TMEM132D: variants seen among roughly 807,000 people sequenced by gnomAD.
The protein encoded by TMEM132D is transmembrane protein 132D, also known as mature OL transmembrane protein.
In TMEM132D, 21 loss-of-function variants were observed where a neutral mutation model predicts 62.3. The observed-to-expected ratio is 0.34, with a 90% CI of 0.24 to 0.49. TMEM132D has a LOEUF of 0.49. TMEM132D is among the 20% of genes least tolerant of loss of function. The pLI is 0.99. For synonymous variants in TMEM132D, 621 were observed against 575.6 expected, an observed-to-expected ratio of 1.08 and a Z score of -1.13; for missense variants, 1,346 against 1,402.8, an observed-to-expected ratio of 0.96 and a Z score of 0.65.
intron 3 of TMEM132D, among the ~76,000 whole-genome samples, chr12:129,476,446 C>G (rs1874257728): frequency 6.6e-6 from 1 of 152,224 alleles, no homozygotes; most frequent in Non-Finnish European, 1.5e-5. Context: ...ACAGGCTTAT[C>G]TCTGTCTGAC....
intron 3 of TMEM132D, among the ~76,000 whole-genome samples, chr12:129,344,191 T>G (rs1358397747): frequency 6.6e-6 from 1 of 152,192 alleles, no homozygotes; most frequent in Non-Finnish European, 1.5e-5. Context: ...AATTCTTTCT[T>G]GCGTGAGATC....
At chr12:129,304,516 T>C (rs949150638) in intron 4 of TMEM132D, among the ~76,000 whole-genome samples, 1 of 152,086 alleles carries the variant, frequency 6.6e-6, no homozygotes, top group African/African-American at 2.4e-5. Flanking sequence ...CATCATGGCC[T>C]GAACAATCCC....
At chr12:129,684,061 C>G (rs983292956) in intron 2 of TMEM132D, among the ~76,000 whole-genome samples, 6 of 152,118 alleles carry the variant, frequency 3.9e-5, no homozygotes, top group South Asian at 2.1e-4. Flanking sequence ...CAAAGAAGAC[C>G]ATGAAGAACT....
At chr12:129,178,839 A>G (rs1402029639) in intron 5 of TMEM132D, among the ~76,000 whole-genome samples, 1 of 152,200 alleles carries the variant, frequency 6.6e-6, no homozygotes, top group African/African-American at 2.4e-5. Flanking sequence ...GCACTCCTTG[A>G]ACCTGGGTTT....
At chr12:129,232,139 C>A (rs1404546291) in intron 4 of TMEM132D, among the ~76,000 whole-genome samples, 3 of 152,184 alleles carry the variant, frequency 2.0e-5, no homozygotes. Flanking sequence ...CAGCCCGGAT[C>A]TTGGGAGGCT....
intron 1 of TMEM132D, among the ~76,000 whole-genome samples, chr12:129,810,792 T>C (rs2137315678): frequency 6.6e-6 from 1 of 152,316 alleles, no homozygotes; most frequent in East Asian, 1.9e-4. Flanking sequence ...AACATAATCT[T>C]GAACAATGTC....
chr12:129,701,117 C>T (rs556741952), intron 1 of TMEM132D, among the ~76,000 whole-genome samples: 1 of 152,288 alleles, frequency 6.6e-6, no homozygotes, highest in South Asian at 2.1e-4. Context: ...TCAACACAGA[C>T]TGAGATTGGA....
chr12:129,902,359 G>A, intron 1 of TMEM132D, among the ~76,000 whole-genome samples: 1 of 152,194 alleles, frequency 6.6e-6, no homozygotes, highest in Non-Finnish European at 1.5e-5. Flanking sequence ...TCCTCCCAGT[G>A]TATCTATCTG....
intron 1 of TMEM132D, among the ~76,000 whole-genome samples, chr12:129,902,605 A>C (rs1306076337): frequency 6.6e-6 from 1 of 152,208 alleles, no homozygotes; most frequent in Non-Finnish European, 1.5e-5. Flanking sequence ...AATTCGGGTC[A>C]CAACTTGTAG....
chr12:129,442,973 C>T (rs1872983790), intron 3 of TMEM132D, among the ~76,000 whole-genome samples: 1 of 152,104 alleles, frequency 6.6e-6, no homozygotes, highest in African/African-American at 2.4e-5. Flanking sequence ...CAAGATCATG[C>T]TCCCTCCCAG....
intron 3 of TMEM132D, among the ~76,000 whole-genome samples, chr12:129,484,412 T>C (rs997864254): frequency 6.6e-6 from 1 of 152,250 alleles, no homozygotes; most frequent in Non-Finnish European, 1.5e-5. Context: ...AGTAATTAAA[T>C]GTCTGCTCCC....
chr12:129,420,203 C>T (rs1038055019), intron 3 of TMEM132D, among the ~76,000 whole-genome samples: 2 of 151,812 alleles, frequency 1.3e-5, no homozygotes, highest in Non-Finnish European at 2.9e-5. Flanking sequence ...GATGGTGTCC[C>T]GGCTATAGAA....
chr12:129,733,956 C>T (rs1869337026), intron 1 of TMEM132D, among the ~76,000 whole-genome samples: 1 of 152,156 alleles, frequency 6.6e-6, no homozygotes, highest in Non-Finnish European at 1.5e-5. Context: ...TATCTTCCTT[C>T]CGTTGCAAGG....
chr12:129,108,652 GCT>G (rs2135642218), intron 5 of TMEM132D, among the ~76,000 whole-genome samples: 1 of 152,246 alleles, frequency 6.6e-6, no homozygotes, highest in African/African-American at 2.4e-5. Flanking sequence ...GCACTCCCTG[GCT>G]CTTATATAGA....
chr12:129,739,107 G>T (rs1328322167), intron 1 of TMEM132D, among the ~76,000 whole-genome samples: 1 of 152,194 alleles, frequency 6.6e-6, no homozygotes, highest in Admixed American at 6.5e-5. Flanking sequence ...AAAAGGAACA[G>T]GACTGGCCTC....
intron 1 of TMEM132D, among the ~76,000 whole-genome samples, chr12:129,724,592 G>A (rs1181169941): frequency 1.3e-5 from 2 of 152,060 alleles, no homozygotes; most frequent in Non-Finnish European, 2.9e-5. Context: ...GCGTGATCTC[G>A]GCTCACCGCA....
At chr12:129,144,491 G>T (rs2135532004) in intron 5 of TMEM132D, among the ~76,000 whole-genome samples, 1 of 152,254 alleles carries the variant, frequency 6.6e-6, no homozygotes, top group Non-Finnish European at 1.5e-5. Context: ...TCAGGGAGAA[G>T]AACTCAGACA....
At chr12:129,199,133 AG>A (rs1878626105) in intron 5 of TMEM132D, among the ~76,000 whole-genome samples, 1 of 113,530 alleles carries the variant, frequency 8.8e-6, no homozygotes, top group Admixed American at 1.1e-4. Context: ...TTTTTGAAAC[AG>A]GGTCTCGCTC....
At chr12:129,842,019 C>T (rs1873208950) in intron 1 of TMEM132D, among the ~76,000 whole-genome samples, 1 of 150,790 alleles carries the variant, frequency 6.6e-6, no homozygotes, top group African/African-American at 2.4e-5. Context: ...CAAGCTCTGC[C>T]TCCTGGTTTC....
Sources: gnomAD v4.1 joint callset for allele counts (sites outside exome capture counted in the v4.1 genomes callset) on GRCh38, gnomAD v4.1.1 for gene constraint, MANE v1.5 for transcripts, NCBI Gene and HGNC (gene_info 2026-07-23, HGNC 2026-07-21) for gene names.